DRC7: variants seen among roughly 807,000 people sequenced by gnomAD.
DRC7 encodes coiled-coil domain containing 135.
Under a neutral mutation model 104.4 loss-of-function variants are expected in DRC7, and 80 were observed. That is an observed-to-expected ratio of 0.77 (90% CI 0.64 to 0.92). The LOEUF is 0.92. Among genes scored for constraint, DRC7 ranks in the 40% least tolerant of loss-of-function variants. The probability of loss-of-function intolerance (pLI) is 0.00; values close to 1 mark genes in which losing one functional copy is unlikely to be tolerated. For synonymous variants in DRC7, 405 were observed against 447.3 expected (o/e 0.91, Z 1.19); for missense variants, 1,034 against 1,141.1 (o/e 0.91, Z 1.35).
intron 6 of DRC7, 88 bp from the exon 7 acceptor site, chr16:57,704,788 A>G (rs2048694152): frequency 2.7e-6 from 4 of 1,483,170 alleles, no homozygotes; most frequent in Non-Finnish European, 2.7e-6. Flanking sequence ...GGTCTGAGGG[A>G]CTGGCTGGGC....
chr16:57,726,986 T>C (rs1393275753), intron 15 of DRC7, 44 bp downstream of exon 15: 2 of 1,235,604 alleles, frequency 1.6e-6, no homozygotes, highest in South Asian at 2.5e-5. Context: ...GTATCTTTGT[T>C]TTTGAGATAG....
chr16:57,714,619 G>GTC (rs1171630022), intron 8 of DRC7: 9 of 171,832 alleles, frequency 5.2e-5, no homozygotes, highest in South Asian at 2.3e-4. Context: ...GAGAGAGAGA[G>GTC]TCTCTCTCTC....
At chr16:57,724,423 A>G (rs781286624) in intron 12 of DRC7, among the ~76,000 whole-genome samples, 192 bp from the exon 13 acceptor site, 2 of 152,114 alleles carry the variant, frequency 1.3e-5, no homozygotes, top group Non-Finnish European at 2.9e-5. Flanking sequence ...GATGTTCATC[A>G]TGGTGTTGGT....
intron 16 of DRC7, among the ~76,000 whole-genome samples, chr16:57,727,936 C>T (rs2048991400): frequency 6.6e-6 from 1 of 152,152 alleles, no homozygotes; most frequent in African/African-American, 2.4e-5. Context: ...AGGGTGTCAG[C>T]CCCCACGTCT....
In DRC7 at chr16:57,707,547, G is replaced by A. The variant is rs1488399839; in HGVS notation, c.946G>A (p.Glu316Lys). 2.5e-6 allele frequency: 4 copies of A among 1,613,578 alleles called. No homozygotes were observed. Among genetic ancestry groups the A allele is most frequent in the Non-Finnish European group, 2.5e-6 (3 of 1,180,034 alleles). Residue 316 changes from glutamate (E) to lysine (K), a missense_variant, in exon 8 of 19, where the codon GAG (glutamate) becomes AAG (lysine). Coordinates refer to ENST00000360716, the MANE Select transcript of DRC7 (RefSeq NM_001289162.2). ...LVLSGKREVP[E>K]NFFIDPFTGH... is the part of the protein sequence containing the mutation. ...GCTATCGGGGAAGCGCGAGGTGCCT[G>A]AGAACTTCTTCATCGACCCATTCAC...
intron 17 of DRC7, 29 bp from the exon 18 acceptor site, chr16:57,730,899 GTCC>G (rs1431080441): frequency 1.9e-6 from 3 of 1,610,306 alleles, no homozygotes; most frequent in Non-Finnish European, 2.5e-6. Context: ...AGCCTTGTCA[GTCC>G]TCCTTCTCTG....
In DRC7 at chr16:57,723,095, A is replaced by G. The variant is rs1202802593; in HGVS notation, c.1502A>G (p.Asp501Gly). 6.2e-7 allele frequency: 1 copy of G among 1,613,838 alleles called. No individual in the cohort carries two copies. ...AACAAGACCACAGACCTGAAGACAG[A>G]CTACTTCAAGCCTGGCCACCCCCAG... ...HINKTTDLKTDYFKPGHPQAL... is the reference protein window; with the variant it reads ...HINKTTDLKTGYFKPGHPQAL... Residue 501 changes from aspartate (D) to glycine (G), a missense_variant, in exon 12 of 19, where the codon GAC becomes GGC. By Grantham distance (94) the Asp-to-Gly change is moderately conservative. Coordinates refer to ENST00000360716, the MANE Select transcript of DRC7 (RefSeq NM_001289162.2).
intron 12 of DRC7, among the ~76,000 whole-genome samples, chr16:57,723,733 A>G (rs1054487611): frequency 1.3e-5 from 2 of 151,946 alleles, no homozygotes; most frequent in African/African-American, 4.8e-5. Flanking sequence ...GTCTCAAGAA[A>G]AAAAAAAAAA....
Position 57,726,239 on chromosome 16 carries a change from G to A in DRC7, c.1930G>A (p.Gly644Ser), listed in dbSNP as rs766115773. The A allele has an allele frequency of 6.2e-7, 1 of 1,613,004 alleles. No individual in the cohort carries two copies. The highest frequency in any genetic ancestry group is 8.5e-7 in the Non-Finnish European group (1 of 1,179,832). The change falls in exon 14 of 19, where the codon GGC (glycine) becomes AGC (serine). Residue 644 changes from glycine to serine, a missense_variant. By Grantham distance (56) the Gly-to-Ser change is moderately conservative (BLOSUM62 0). Coordinates refer to ENST00000360716, the MANE Select transcript of DRC7 (RefSeq NM_001289162.2). ...FLRRTEVDSK[G>S]NKIIMTPDMC... ...GCGGCGCACCGAGGTGGACAGCAAA[G>A]GCAACAAGATCATCATGACGCCCGA...
Position 57,728,494 on chromosome 16 carries a change from G to A in DRC7, c.2301G>A (p.Trp767Ter), listed in dbSNP as rs1339646633. Residue 767 changes from tryptophan to a stop codon, truncating the protein, a stop_gained, in exon 17 of 19, where the codon TGG becomes TGA. Transcript: ENST00000360716. LOFTEE classifies it high-confidence loss of function. ...QLPPGEKLTC[W>*]QAVRLKDECL... ...CGCCAGGAGAGAAACTAACATGCTG[G>A]CAGGCGGTGCGCCTCAAGGATGAGT... is the stretch of plus-strand genomic sequence containing the variant. 4 of 1,612,090 alleles carry A rather than the reference G, an allele frequency of 2.5e-6. No homozygotes were observed. Among genetic ancestry groups the A allele is most frequent in the Non-Finnish European group, 3.4e-6 (4 of 1,179,724 alleles).
At chr16:57,722,419 A>C (rs1317772208) in intron 10 of DRC7, among the ~76,000 whole-genome samples, 3 of 151,886 alleles carry the variant, frequency 2.0e-5, no homozygotes, top group Non-Finnish European at 4.4e-5. Flanking sequence ...TCTGGCAGAG[A>C]CCTGTACAAG....
chr16:57,711,425 G>T (rs2048790365), intron 8 of DRC7, among the ~76,000 whole-genome samples: 1 of 152,240 alleles, frequency 6.6e-6, no homozygotes, highest in Admixed American at 6.5e-5. Context: ...GGCTTTGCCA[G>T]TGAGGATTCG....
chr16:57,703,564 G>A (rs1359197332), intron 6 of DRC7, among the ~76,000 whole-genome samples: 1 of 152,166 alleles, frequency 6.6e-6, no homozygotes, highest in Non-Finnish European at 1.5e-5. Flanking sequence ...GCTCTGGTGG[G>A]AGAAGGGCGA....
chr16:57,698,602 G>A (rs2048623314), intron 3 of DRC7, among the ~76,000 whole-genome samples: 2 of 152,076 alleles, frequency 1.3e-5, no homozygotes, highest in Non-Finnish European at 2.9e-5. Flanking sequence ...AGGTGGGAGG[G>A]TCACTTAAGC....
intron 8 of DRC7, chr16:57,714,964 A>G (rs2048826380): frequency 4.0e-6 from 1 of 248,450 alleles, no homozygotes; most frequent in Non-Finnish European, 8.4e-6. Flanking sequence ...TTGAAGATGT[A>G]GGGCAGGACA....
In DRC7 at chr16:57,700,193, C is replaced by G; in HGVS notation, c.427C>G (p.Leu143Val). Residue 143 changes from leucine to valine, a missense_variant, in exon 5 of 19, where the codon CTC (leucine) becomes GTC (valine). By Grantham distance (32) the Leu-to-Val change is conservative (BLOSUM62 1). Transcript: ENST00000360716. ...LRPTLMPYPE[L>V]YNWDSCAQFV... is the part of the protein sequence containing the mutation. ...GCCCACACTGATGCCCTACCCCGAGCTCTACAACTGGGACAGCTGTGCCCA... is the reference window on the plus strand; with the variant it reads ...GCCCACACTGATGCCCTACCCCGAGGTCTACAACTGGGACAGCTGTGCCCA... The G allele has an allele frequency of 2.5e-6, 4 of 1,612,618 alleles. No homozygotes were observed. Among genetic ancestry groups the G allele is most frequent in the Non-Finnish European group, 3.4e-6 (4 of 1,179,556 alleles).
At chr16:57,712,318 C>A (rs1177538236) in intron 8 of DRC7, among the ~76,000 whole-genome samples, 1 of 152,134 alleles carries the variant, frequency 6.6e-6, no homozygotes, top group East Asian at 1.9e-4. Context: ...GCAGATTATG[C>A]AGAAATTTCT....
chr16:57,726,136 T>G lies in DRC7; in HGVS notation c.1827T>G (p.Phe609Leu). ...PAEEDVAERV[F>L]LVAEERIQLR... ...AGGAGGACGTGGCAGAGCGCGTGTT[T>G]CTGGTCGCGGAGGAGCGCATCCAGC... The change falls in exon 14 of 19, where the codon TTT becomes TTG. Residue 609 changes from phenylalanine (F) to leucine (L), a missense_variant. Coordinates refer to ENST00000360716, the MANE Select transcript of DRC7 (RefSeq NM_001289162.2). 6.2e-7 allele frequency: 1 copy of G among 1,613,200 alleles called. No homozygotes were observed. The highest frequency in any genetic ancestry group is 1.1e-5 in the South Asian group (1 of 91,086).
Position 57,703,785 on chromosome 16 carries a change from G to A in DRC7, c.700-1091G>A, listed in dbSNP as rs1247028085. Among the ~76,000 whole-genome samples, 3 of 152,056 alleles carry A rather than the reference G, an allele frequency of 2.0e-5. No individual in the cohort carries two copies. The East Asian group carries it at 5.8e-4, about 29-fold the overall frequency. On this transcript the variant is annotated intron_variant, in intron 6 of 18. Transcript: ENST00000360716. ...AGTTCCAGACCAGCCTGGCCAACATGGCAAAACCCCGTCTCTACTAAAAAT... is the reference window on the plus strand; with the variant it reads ...AGTTCCAGACCAGCCTGGCCAACATAGCAAAACCCCGTCTCTACTAAAAAT...
Sources: allele counts gnomAD v4.1 joint callset (sites outside exome capture counted in the v4.1 genomes callset), GRCh38; gene constraint gnomAD v4.1.1; transcripts MANE v1.5; gene names NCBI Gene and HGNC (gene_info 2026-07-23, HGNC 2026-07-21).